The following PACSIN2 variants were observed in gnomAD, a reference collection of about 807,000 sequenced individuals.
The protein encoded by PACSIN2 is protein kinase C and casein kinase substrate in neurons protein 2.
Under a neutral mutation model 63.8 loss-of-function variants are expected in PACSIN2, and 25 were observed. The observed-to-expected ratio is 0.39, with a 90% CI of 0.29 to 0.55. The LOEUF is 0.55. Among genes scored for constraint, PACSIN2 ranks in the 20% least tolerant of loss-of-function variants. The probability of loss-of-function intolerance (pLI) is 0.62; values close to 1 mark genes in which losing one functional copy is unlikely to be tolerated. For synonymous variants in PACSIN2, 255 were observed against 256.2 expected, an observed-to-expected ratio of 1.00 and a Z score of 0.05; for missense variants, 518 against 646.9, an observed-to-expected ratio of 0.80 and a Z score of 2.16.
chr22:42,983,489 C>CAAA (rs775403003), intron 1 of PACSIN2, among the ~76,000 whole-genome samples: 3,529 of 81,790 alleles, frequency 0.043, 493 homozygotes, highest in African/African-American at 0.14. Context: ...GACTCCATCT[C>CAAA]AAAAAAAAAA....
At chr22:42,976,060 CCCT>C (rs1217808759) in intron 1 of PACSIN2, among the ~76,000 whole-genome samples, 2 of 152,168 alleles carry the variant, frequency 1.3e-5, no homozygotes, top group Non-Finnish European at 2.9e-5. Context: ...TGAGGCCTTC[CCCT>C]CCTCTGTCAT....
chr22:42,951,428 C>T (rs1933686885), intron 1 of PACSIN2, among the ~76,000 whole-genome samples: 1 of 152,178 alleles, frequency 6.6e-6, no homozygotes, highest in Non-Finnish European at 1.5e-5. Flanking sequence ...ATTCCATCCA[C>T]GTGCTGATGC....
intron 2 of PACSIN2, among the ~76,000 whole-genome samples, chr22:42,900,479 TA>T (rs1930607898): frequency 6.6e-6 from 1 of 152,216 alleles, no homozygotes; most frequent in South Asian, 2.1e-4. Flanking sequence ...AAAATTAAAT[TA>T]AATTTTATTA....
In PACSIN2 at chr22:42,871,507, T is replaced by C; in HGVS notation, c.1349-38A>G. Reference sequence around the variant, plus strand: ...GAGGGAGCCGTCTCCATGAGAGGTATGACACCGACGGTGGGCTACAGAGCC... The same window carrying C: ...GAGGGAGCCGTCTCCATGAGAGGTACGACACCGACGGTGGGCTACAGAGCC... On this transcript the variant is annotated intron_variant, in intron 10 of 10. Coordinates refer to ENST00000263246, the MANE Select transcript of PACSIN2 (RefSeq NM_001184970.3). This position sits in a 1 kb window ranked among gnomAD's most constrained non-coding sequence, Gnocchi z 5.4. The C allele has an allele frequency of 6.8e-7, 1 of 1,479,944 alleles. No individual in the cohort carries two copies. The highest frequency in any genetic ancestry group is 9.5e-7 in the Non-Finnish European group (1 of 1,057,226). 91.7% of individuals were successfully genotyped at this position (1,479,944 alleles called of 1,614,324 possible). A position where few individuals can be genotyped will look rare whatever the true frequency, so the allele number is the denominator to read the frequency against.
chr22:43,014,090 CCAATGAAT>C (rs1569382761), intron 1 of PACSIN2, among the ~76,000 whole-genome samples: 1 of 152,154 alleles, frequency 6.6e-6, no homozygotes, highest in African/African-American at 2.4e-5. Flanking sequence ...GAGCCGAAAC[CCAATGAAT>C]CAATGAAATT....
chr22:42,886,454 A>AGG lies in PACSIN2; in HGVS notation c.610-1894_610-1893insCC, dbSNP rs1555909052. ...TAGGTAGGTAGGTAGGTAGGTAGGT[A>AGG]TGTATGTACCTACCTACTTACCTAC... On this transcript the variant is annotated intron_variant, in intron 5 of 10. Coordinates refer to ENST00000263246, the MANE Select transcript of PACSIN2 (RefSeq NM_001184970.3). 3.7e-3 allele frequency among the ~76,000 whole-genome samples: 246 copies of AGG among 66,572 alleles called. 2 individuals carry two copies. The highest frequency in any genetic ancestry group is 6.1e-3 in the African/African-American group (161 of 26,536). The allele number at this position is 66,572 out of a possible 152,430, so 43.7% of individuals were successfully genotyped here.
chr22:42,880,461 C>T (rs1342127602), intron 7 of PACSIN2, among the ~76,000 whole-genome samples: 1 of 152,200 alleles, frequency 6.6e-6, no homozygotes, highest in Non-Finnish European at 1.5e-5. Context: ...CAAGCCGGCA[C>T]TGATGGGAAG....
chr22:42,949,385 A>G (rs1933577513), intron 1 of PACSIN2, among the ~76,000 whole-genome samples: 1 of 152,134 alleles, frequency 6.6e-6, no homozygotes, highest in African/African-American at 2.4e-5. Context: ...TTACACACCC[A>G]TTCTCAGCTG....
chr22:42,922,699 T>G lies in PACSIN2; in HGVS notation c.-77-10542A>C, dbSNP rs1932274793. ...TTTGGGCCCAAGGTGAGAGGGCCCTTTGATAAGGGACATATTTACCATGTG... is the reference window on the plus strand; with the variant it reads ...TTTGGGCCCAAGGTGAGAGGGCCCTGTGATAAGGGACATATTTACCATGTG... On this transcript the variant is annotated intron_variant, in intron 1 of 10. Coordinates refer to ENST00000263246, the MANE Select transcript of PACSIN2 (RefSeq NM_001184970.3). Among the ~76,000 whole-genome samples, 3 of 152,204 alleles carry G rather than the reference T, an allele frequency of 2.0e-5. No homozygotes were observed. In the South Asian group the frequency reaches 6.2e-4, roughly 32 times the overall value.
rs895286392 is a variant in PACSIN2 at position 42,870,743 on chromosome 22, C to T, written c.*614G>A. The T allele has an allele frequency of 2.0e-5, 3 of 152,380 alleles. No homozygotes were observed. The highest frequency in any genetic ancestry group is 7.2e-5 in the African/African-American group (3 of 41,448). The allele number at this position is 152,380 out of a possible 1,614,324, so 9.4% of individuals were successfully genotyped here. Reference sequence around the variant, plus strand: ...AATAGAAACCCGACCATAACCCGGTCCCACCTTCCTGGCATAATTCCTTTC... The same window carrying T: ...AATAGAAACCCGACCATAACCCGGTTCCACCTTCCTGGCATAATTCCTTTC... On this transcript the variant is annotated 3_prime_UTR_variant, in exon 11 of 11. Coordinates refer to ENST00000263246, the MANE Select transcript of PACSIN2 (RefSeq NM_001184970.3).
intron 1 of PACSIN2, among the ~76,000 whole-genome samples, chr22:42,935,476 C>T (rs1195216755): frequency 6.6e-6 from 1 of 152,182 alleles, no homozygotes. Context: ...CACCAAAAAA[C>T]TTGTTTCCAC....
Position 42,893,615 on chromosome 22 carries a change from T to TA in PACSIN2, c.61-3dup. 6.2e-7 allele frequency: 1 copy of TA among 1,611,284 alleles called. No homozygotes were observed. ...CACAGTCCGCTTGTAGTTCCCGACCTAGGAGAGAGAACCAGCTGGGAGGCA... is the reference window on the plus strand; with the variant it reads ...CACAGTCCGCTTGTAGTTCCCGACCTAAGGAGAGAGAACCAGCTGGGAGGCA... On this transcript the variant is annotated splice_polypyrimidine_tract_variant and splice_region_variant and intron_variant, in intron 2 of 10. Coordinates refer to ENST00000263246, the MANE Select transcript of PACSIN2 (RefSeq NM_001184970.3).
At chr22:42,950,386 T>G (rs541757718) in intron 1 of PACSIN2, among the ~76,000 whole-genome samples, 6 of 638 alleles carry the variant, frequency 9.4e-3, no homozygotes, top group African/African-American at 0.033. Context: ...TAAGACAAAG[T>G]CATACCAGAT....
chr22:42,997,883 A>G (rs1034428999), intron 1 of PACSIN2, among the ~76,000 whole-genome samples: 1 of 152,220 alleles, frequency 6.6e-6, no homozygotes, highest in East Asian at 1.9e-4. Context: ...TCTGTCTCAA[A>G]AAACAAACAA....
intron 1 of PACSIN2, among the ~76,000 whole-genome samples, chr22:42,973,760 T>C (rs714003): frequency 0.6 from 91,758 of 152,090 alleles, 28,228 homozygotes; most frequent in East Asian, 0.78. Flanking sequence ...GGGCCCATCC[T>C]CCACTCCCGT....
At chr22:42,918,087 A>T (rs918458566) in intron 1 of PACSIN2, among the ~76,000 whole-genome samples, 46 of 152,216 alleles carry the variant, frequency 3.0e-4, no homozygotes, top group African/African-American at 1.1e-3. Flanking sequence ...AATGCTTTGT[A>T]AAGTAAAAAT....
chr22:42,968,493 C>T (rs1036894119), intron 1 of PACSIN2, among the ~76,000 whole-genome samples: 1 of 152,102 alleles, frequency 6.6e-6, no homozygotes, highest in Non-Finnish European at 1.5e-5. Context: ...AACCCTTATT[C>T]GAGATTTTCA....
At chr22:43,009,865 ATTTTTTT>A (rs898985902) in intron 1 of PACSIN2, among the ~76,000 whole-genome samples, 4 of 75,618 alleles carry the variant, frequency 5.3e-5, no homozygotes, top group Non-Finnish European at 3.8e-5. Flanking sequence ...TATTTTTTCT[ATTTTTTT>A]TTTTTTTTTT....
intron 1 of PACSIN2, among the ~76,000 whole-genome samples, chr22:43,012,485 GATTT>G (rs1240815703): frequency 1.3e-5 from 2 of 151,952 alleles, no homozygotes; most frequent in African/African-American, 4.8e-5. Context: ...CATACTTTTA[GATTT>G]ATTTATTTTT....
Sources: allele counts gnomAD v4.1 joint callset (sites outside exome capture counted in the v4.1 genomes callset), GRCh38; gene constraint gnomAD v4.1.1; non-coding constraint Gnocchi (gnomAD v3.1); transcripts MANE v1.5; gene names NCBI Gene and HGNC (gene_info 2026-07-23, HGNC 2026-07-21).